The following ANKS1B variants were observed in gnomAD, a reference collection of about 807,000 sequenced individuals.
ANKS1B encodes the protein ankyrin repeat and sterile alpha motif domain-containing protein 1B.
In ANKS1B, 36 loss-of-function variants were observed where a neutral mutation model predicts 148.3. That is an observed-to-expected ratio of 0.24 (90% CI 0.19 to 0.32). The LOEUF (loss-of-function observed/expected upper bound fraction) is 0.32. Among genes scored for constraint, ANKS1B ranks in the 10% least tolerant of loss-of-function variants. The pLI, the probability that ANKS1B is intolerant of heterozygous loss-of-function variation, is 1.00. For missense variants in ANKS1B, 1,157 were observed against 1,542.6 expected (o/e 0.75, Z 4.19); for synonymous variants, 542 against 560.8 (o/e 0.97, Z 0.47).
chr12:99,876,831 G>A (rs2092112639), intron 1 of ANKS1B, among the ~76,000 whole-genome samples: 2 of 152,058 alleles, frequency 1.3e-5, no homozygotes, highest in Admixed American at 6.6e-5. Flanking sequence ...TTACTTCTGA[G>A]CTTTTTTTCT....
At chr12:99,841,598 A>G (rs2085755317) in intron 1 of ANKS1B, among the ~76,000 whole-genome samples, 2 of 152,116 alleles carry the variant, frequency 1.3e-5, no homozygotes. Flanking sequence ...TATTTGAAAG[A>G]GCAAATGTAA....
chr12:99,285,084 TC>T (rs1177588598), intron 12 of ANKS1B, among the ~76,000 whole-genome samples: 1 of 152,184 alleles, frequency 6.6e-6, no homozygotes, highest in Non-Finnish European at 1.5e-5. Flanking sequence ...TCCAAAAATT[TC>T]CTTTTACCCT....
intron 25 of ANKS1B, among the ~76,000 whole-genome samples, chr12:98,761,741 A>C (rs550235818): frequency 6.6e-6 from 1 of 152,324 alleles, no homozygotes; most frequent in African/African-American, 2.4e-5. Flanking sequence ...TGTTGAATGC[A>C]TTGCTGCCCA....
intron 15 of ANKS1B, among the ~76,000 whole-genome samples, chr12:99,107,698 T>C (rs1180480212): frequency 1.3e-5 from 2 of 152,182 alleles, no homozygotes. Flanking sequence ...GTCACTTAAG[T>C]GAGTTGTAAC....
chr12:99,219,827 G>C (rs976577681), intron 14 of ANKS1B, among the ~76,000 whole-genome samples: 1 of 152,200 alleles, frequency 6.6e-6, no homozygotes, highest in Non-Finnish European at 1.5e-5. Flanking sequence ...TCCAGTTGAT[G>C]TATGAATCTA....
chr12:98,776,018 G>A (rs1199521730), intron 24 of ANKS1B, among the ~76,000 whole-genome samples: 1 of 152,228 alleles, frequency 6.6e-6, no homozygotes, highest in Non-Finnish European at 1.5e-5. Flanking sequence ...GCCTGCGGAG[G>A]CAGGTATTTT....
intron 17 of ANKS1B, among the ~76,000 whole-genome samples, chr12:98,977,292 T>C: frequency 6.6e-6 from 1 of 152,210 alleles, no homozygotes. Flanking sequence ...AAAAACCTTG[T>C]TCAATCTTTT....
chr12:99,208,600 T>C (rs1466887324), intron 14 of ANKS1B, among the ~76,000 whole-genome samples: 1 of 152,100 alleles, frequency 6.6e-6, no homozygotes, highest in East Asian at 1.9e-4. Flanking sequence ...TACGGGACAT[T>C]GAATATATAA....
At chr12:99,588,797 CATCTT>C (rs574935881) in intron 9 of ANKS1B, among the ~76,000 whole-genome samples, 8 of 152,178 alleles carry the variant, frequency 5.3e-5, no homozygotes, top group Admixed American at 1.3e-4. Context: ...TCTCCACTTT[CATCTT>C]ATCTTAAGTT....
intron 8 of ANKS1B, among the ~76,000 whole-genome samples, chr12:99,706,828 T>G (rs901890332): frequency 3.9e-5 from 6 of 152,046 alleles, no homozygotes; most frequent in Non-Finnish European, 7.4e-5. Context: ...GTCAAGGAAT[T>G]GAAAGCATTC....
chr12:99,266,560 T>C (rs1249948366), intron 12 of ANKS1B, among the ~76,000 whole-genome samples: 2 of 152,194 alleles, frequency 1.3e-5, no homozygotes, highest in Admixed American at 1.3e-4. Context: ...CTATGCTGTA[T>C]TGGTTTCTTG....
At chr12:98,887,889 G>A (rs1454852860) in intron 17 of ANKS1B, among the ~76,000 whole-genome samples, 3 of 152,032 alleles carry the variant, frequency 2.0e-5, no homozygotes, top group South Asian at 2.1e-4. Context: ...CTAGGATTAC[G>A]GGCATGATCC....
rs115379212 is a variant in ANKS1B, at chr12:99,154,943, C to T, written c.2420-548G>A. 2.0e-6 allele frequency: 3 copies of T among 1,534,322 alleles called. No homozygotes were observed. In the African/African-American group the frequency reaches 4.1e-5, roughly 21 times the overall value. ...TTTTTTTTGTCTGCAAGCTGTAAGC[C>T]TGCTGCTGCTGCTTCCTCCTACACA... is the stretch of plus-strand genomic sequence containing the variant. On this transcript the variant is annotated intron_variant, in intron 14 of 26. Coordinates refer to ENST00000683438, the MANE Select transcript of ANKS1B (RefSeq NM_001352186.2).
chr12:98,983,426 CT>C (rs2099918354), intron 17 of ANKS1B, among the ~76,000 whole-genome samples: 2 of 152,140 alleles, frequency 1.3e-5, no homozygotes, highest in South Asian at 4.1e-4. Flanking sequence ...TAAAATCTCT[CT>C]GAGTTGGATA....
At position 98,884,656 on chromosome 12, in the gene ANKS1B, G is replaced by A. The variant is rs866060177; in HGVS notation, c.2779-52520C>T. ...CTACTAAAAATACAAAAAATTAGCC[G>A]GGCGCGGTGGCGGGCGCCTGTAGTC... is the stretch of plus-strand genomic sequence containing the variant. On this transcript the variant is annotated intron_variant, in intron 17 of 26. Coordinates refer to ENST00000683438, the MANE Select transcript of ANKS1B (RefSeq NM_001352186.2). Among the ~76,000 whole-genome samples the A allele has an allele frequency of 1.1e-4, 16 of 151,578 alleles. No individual in the cohort carries two copies. In the South Asian group the frequency reaches 1.5e-3, roughly 14 times the overall value.
chr12:99,370,538 T>C (rs1310499216), intron 12 of ANKS1B, among the ~76,000 whole-genome samples: 10 of 152,136 alleles, frequency 6.6e-5, no homozygotes, highest in African/African-American at 2.4e-4. Flanking sequence ...AGACATGCAA[T>C]GAATTCAATA....
chr12:99,463,563 T>A (rs918835684), intron 10 of ANKS1B, among the ~76,000 whole-genome samples: 1 of 152,198 alleles, frequency 6.6e-6, no homozygotes, highest in African/African-American at 2.4e-5. Flanking sequence ...AGATGGCACC[T>A]GGAAAATCAG....
At chr12:99,220,617 T>G (rs2084963854) in intron 14 of ANKS1B, among the ~76,000 whole-genome samples, 1 of 151,682 alleles carries the variant, frequency 6.6e-6, no homozygotes, top group Non-Finnish European at 1.5e-5. Context: ...CGGCTAATTT[T>G]TTTGTATTTT....
intron 14 of ANKS1B, among the ~76,000 whole-genome samples, chr12:99,166,701 A>C (rs2077218323): frequency 6.6e-6 from 1 of 152,064 alleles, no homozygotes; most frequent in Non-Finnish European, 1.5e-5. Flanking sequence ...ATATCTATAC[A>C]TTCAATTTAA....
Sources: gnomAD v4.1 joint callset for allele counts (sites outside exome capture counted in the v4.1 genomes callset) on GRCh38, gnomAD v4.1.1 for gene constraint, MANE v1.5 for transcripts, NCBI Gene and HGNC (gene_info 2026-07-23, HGNC 2026-07-21) for gene names.